The following CFAP251 variants were observed in gnomAD, a reference collection of about 807,000 sequenced individuals.
CFAP251 encodes cilia and flagella associated protein 251, also known as cilia- and flagella-associated protein 251.
Under a neutral mutation model 126.7 loss-of-function variants are expected in CFAP251, and 93 were observed. The ratio of observed to expected loss-of-function variants is 0.73; its 90% CI spans 0.62 to 0.87. CFAP251 has a LOEUF of 0.87. CFAP251 is among the 40% of genes least tolerant of loss of function. The pLI is 0.00. For missense variants in CFAP251, 1,287 were observed against 1,389.2 expected (o/e 0.93, Z 1.17); for synonymous variants, 503 against 506.9 (o/e 0.99, Z 0.10).
intron 2 of CFAP251, among the ~76,000 whole-genome samples, 164 bp from the exon 3 acceptor site, chr12:121,923,458 C>G (rs1880273243): frequency 6.6e-6 from 1 of 152,174 alleles, no homozygotes; most frequent in Non-Finnish European, 1.5e-5. Context: ...TATACCCCAT[C>G]TTGTTTTGTT....
At chr12:121,919,919 C>T (rs1056308795) in intron 1 of CFAP251, among the ~76,000 whole-genome samples, 2 of 152,134 alleles carry the variant, frequency 1.3e-5, no homozygotes, top group East Asian at 1.9e-4. Context: ...TGATGGCTCA[C>T]GCCTGTAATC....
chr12:121,959,281 CT>C, intron 13 of CFAP251, 187 bp downstream of exon 13: 1 of 576,810 alleles, frequency 1.7e-6, no homozygotes, highest in Non-Finnish European at 2.9e-6. Context: ...TACAAAAACA[CT>C]TTTTAAAAAT....
At chr12:121,927,748 T>A (rs2135747878) in intron 3 of CFAP251, among the ~76,000 whole-genome samples, 1 of 152,332 alleles carries the variant, frequency 6.6e-6, no homozygotes, top group South Asian at 2.1e-4. Context: ...GTCCTCTCCT[T>A]AGTGCTAAGG....
At chr12:121,969,781 C>T (rs1771417117) in intron 17 of CFAP251, 2 of 985,302 alleles carry the variant, frequency 2.0e-6, no homozygotes, top group South Asian at 4.7e-5. Flanking sequence ...CCAGCTAGAA[C>T]CTTCCTTCTG....
rs369167840 is a variant in CFAP251 at position 121,999,733 on chromosome 12, C to T, written c.3024C>T (p.Asn1008=). Residue 1008 remains asparagine (N), a synonymous_variant, in exon 20 of 22, where the codon AAC becomes AAT. Coordinates refer to ENST00000288912, the MANE Select transcript of CFAP251 (RefSeq NM_144668.6). The part of the protein sequence containing the change: ...PSEEKIDDIF[N]EIKFGEYVDT... ...TCCCCTAGATTGATGATATATTTAA[C>T]GAAATCAAATTTGGTGAATATGTGG... The T allele has an allele frequency of 2.7e-4, 431 of 1,606,110 alleles. No individual in the cohort carries two copies. Among genetic ancestry groups the T allele is most frequent in the Non-Finnish European group, 3.5e-4 (408 of 1,173,740 alleles).
At chr12:121,972,407 G>C (rs1430780938) in intron 17 of CFAP251, among the ~76,000 whole-genome samples, 1 of 152,210 alleles carries the variant, frequency 6.6e-6, no homozygotes, top group African/African-American at 2.4e-5. Flanking sequence ...TTAGCAAAGA[G>C]ACTGGTGGCA....
Position 122,003,691 on chromosome 12 carries a change from TC to T in CFAP251, c.3378del (p.Thr1127LeufsTer12). On this transcript the variant is annotated frameshift_variant, in exon 22 of 22. Transcript: ENST00000288912. LOFTEE classifies it high-confidence loss of function. ...CTTGAAGAAGAACTTCCAGACGAAATCACTGCAGAAATATTCGCGACTGAAA... is the reference window on the plus strand; with the variant it reads ...CTTGAAGAAGAACTTCCAGACGAAATACTGCAGAAATATTCGCGACTGAAA... ...ICLEEELPDEITAEIFATEIL... is the reference protein window; with the variant it reads ...ICLEEELPDEXTAEIFATEIL... 1 of 1,610,838 alleles carries T rather than the reference TC, an allele frequency of 6.2e-7. No individual in the cohort carries two copies. Among genetic ancestry groups the T allele is most frequent in the Non-Finnish European group, 8.5e-7 (1 of 1,179,108 alleles).
chr12:121,960,897 C>T, intron 14 of CFAP251, 139 bp downstream of exon 14: 2 of 1,059,046 alleles, frequency 1.9e-6, no homozygotes, highest in Non-Finnish European at 2.7e-6. Flanking sequence ...GGATCACAAA[C>T]CTCTCCAGGT....
chr12:121,993,762 TCTGCCCGGC>T (rs1882942317), intron 19 of CFAP251, among the ~76,000 whole-genome samples: 2 of 147,098 alleles, frequency 1.4e-5, no homozygotes, highest in East Asian at 2.1e-4. Context: ...GAGGAGCCCC[TCTGCCCGGC>T]CAGCACCCCG....
At chr12:121,951,440 T>C in intron 8 of CFAP251, 40 bp from the exon 9 acceptor site, 1 of 1,379,948 alleles carries the variant, frequency 7.2e-7, no homozygotes, top group South Asian at 1.4e-5. Context: ...CTTTGGAAAC[T>C]GGGTCTTTTT....
chr12:121,985,535 CA>C (rs59999924), intron 19 of CFAP251, among the ~76,000 whole-genome samples: 15,760 of 62,278 alleles, frequency 0.25, 1,034 homozygotes, highest in African/African-American at 0.37. Flanking sequence ...GACTCCATCT[CA>C]AAAAAAAAAA....
intron 7 of CFAP251, chr12:121,948,729 AAAAG>A (rs1464036247): frequency 2.6e-5 from 7 of 264,472 alleles, no homozygotes; most frequent in Admixed American, 5.7e-5. Flanking sequence ...CAAAAAAAAA[AAAAG>A]AAAAGCTTAT....
intron 19 of CFAP251, among the ~76,000 whole-genome samples, chr12:121,985,897 T>A (rs781721476): frequency 2.6e-5 from 4 of 152,196 alleles, no homozygotes; most frequent in Non-Finnish European, 5.9e-5. Context: ...TCTCTTCACC[T>A]GTATTCCCAG....
At chr12:122,001,971 C>A (rs1053427934) in intron 21 of CFAP251, 2 of 241,276 alleles carry the variant, frequency 8.3e-6, no homozygotes, top group Admixed American at 8.9e-5. Flanking sequence ...GCCTGTAATT[C>A]CAGCACTTTG....
At chr12:121,983,166 A>G (rs1232741347) in intron 19 of CFAP251, among the ~76,000 whole-genome samples, 1 of 152,094 alleles carries the variant, frequency 6.6e-6, no homozygotes, top group Non-Finnish European at 1.5e-5. Flanking sequence ...CGCACAGGAG[A>G]TCAAGACTGT....
intron 13 of CFAP251, 90 bp downstream of exon 13, chr12:121,959,184 C>A: frequency 7.4e-7 from 1 of 1,347,902 alleles, no homozygotes; most frequent in Non-Finnish European, 1.0e-6. Flanking sequence ...CACCTGTAAT[C>A]CCAATGATTT....
At chr12:121,934,532 C>A (rs1050745772) in intron 5 of CFAP251, among the ~76,000 whole-genome samples, 176 bp downstream of exon 5, 23 of 152,170 alleles carry the variant, frequency 1.5e-4, no homozygotes, top group Admixed American at 1.1e-3. Flanking sequence ...CAAAGCATAA[C>A]CCAGATGGCA....
Position 121,934,369 on chromosome 12 carries a change from T to C in CFAP251, c.998+13T>C, listed in dbSNP as rs1880809583. 1.3e-6 allele frequency: 2 copies of C among 1,592,268 alleles called. No individual in the cohort carries two copies. Among genetic ancestry groups the C allele is most frequent in the South Asian group, 2.2e-5 (2 of 90,324 alleles). ...ACTCCTTCACAGGGTAGGCTTTGTG[T>C]AGCCACTTCTTTTTTCCCTGAATTT... On this transcript the variant is annotated intron_variant, in intron 5 of 21. Transcript: ENST00000288912.
At chr12:121,954,652 A>AC (rs1555218007) in intron 10 of CFAP251, among the ~76,000 whole-genome samples, 3 of 149,134 alleles carry the variant, frequency 2.0e-5, no homozygotes, top group African/African-American at 7.3e-5. Context: ...AAAAAAAAAA[A>AC]AAAAAAAAAA....
Sources: allele counts gnomAD v4.1 joint callset (sites outside exome capture counted in the v4.1 genomes callset), GRCh38; gene constraint gnomAD v4.1.1; transcripts MANE v1.5; gene names NCBI Gene and HGNC (gene_info 2026-07-23, HGNC 2026-07-21).